CPEB2: variants seen among roughly 807,000 people sequenced by gnomAD.
CPEB2 encodes the protein cytoplasmic polyadenylation element binding protein 2, also known as cytoplasmic polyadenylation element-binding protein 2.
In CPEB2, 56 loss-of-function variants were observed where a neutral mutation model predicts 93.6. The ratio of observed to expected loss-of-function variants is 0.60; its 90% CI spans 0.48 to 0.75. The LOEUF is 0.75. Ranked by LOEUF, CPEB2 falls within the 30% of genes least tolerant of loss-of-function variation. The probability of loss-of-function intolerance (pLI) is 0.00; values close to 1 mark genes in which losing one functional copy is unlikely to be tolerated. For missense variants in CPEB2, 1,579 were observed against 1,395.1 expected (o/e 1.13, Z -2.10); for synonymous variants, 764 against 586.3 (o/e 1.30, Z -4.38).
At chr4:15,054,642 G>C (rs1198812486) in intron 8 of CPEB2, among the ~76,000 whole-genome samples, 1 of 151,962 alleles carries the variant, frequency 6.6e-6, no homozygotes, top group Non-Finnish European at 1.5e-5. Flanking sequence ...TGTAAAACTT[G>C]AGGAAGATGC....
At chr4:15,015,122 GA>G (rs1380893955) in intron 3 of CPEB2, among the ~76,000 whole-genome samples, 1 of 152,036 alleles carries the variant, frequency 6.6e-6, no homozygotes, top group Non-Finnish European at 1.5e-5. Flanking sequence ...CAGACCAGCA[GA>G]ATCAGTATCA....
intron 5 of CPEB2, among the ~76,000 whole-genome samples, chr4:15,035,932 C>G (rs973343916): frequency 1.8e-4 from 28 of 152,160 alleles, no homozygotes; most frequent in Non-Finnish European, 4.0e-4. Flanking sequence ...TTTAATAAAA[C>G]ATACTGTTAC....
In CPEB2 at chr4:15,066,233, C is replaced by A. The variant is rs747876493; in HGVS notation, c.2958C>A (p.Pro986=). The change falls in exon 12 of 12, where the codon CCC becomes CCA. Residue 986 remains proline, a synonymous_variant. Coordinates refer to ENST00000538197, the MANE Select transcript of CPEB2 (RefSeq NM_001177382.2). ...QGARCGGKFA[P]FFCANVTCLQ... The stretch of plus-strand genomic sequence containing the variant: ...CACGCTGTGGTGGAAAATTTGCTCC[C>A]TTTTTTTGTGCCAATGTCACTTGCC... The A allele has an allele frequency of 6.2e-7, 1 of 1,613,376 alleles. No individual in the cohort carries two copies. Among genetic ancestry groups the A allele is most frequent in the Admixed American group, 1.7e-5 (1 of 59,930 alleles).
chr4:15,036,211 T>C (rs1577420605), intron 5 of CPEB2, among the ~76,000 whole-genome samples: 1 of 152,178 alleles, frequency 6.6e-6, no homozygotes, highest in African/African-American at 2.4e-5. Context: ...CCTGTATATC[T>C]CATGAGGCTG....
chr4:15,064,409 A>G (rs1729489020), intron 11 of CPEB2, among the ~76,000 whole-genome samples: 4 of 152,202 alleles, frequency 2.6e-5, no homozygotes, highest in South Asian at 4.1e-4. Context: ...CATAAAACTA[A>G]TATCTAGAAT....
chr4:15,042,646 C>T (rs1361139188), intron 6 of CPEB2, among the ~76,000 whole-genome samples: 2 of 152,004 alleles, frequency 1.3e-5, no homozygotes, highest in Non-Finnish European at 2.9e-5. Context: ...GTGAGAGTCA[C>T]GTGAAAGGCA....
At chr4:15,046,010 G>C (rs990378647) in intron 6 of CPEB2, among the ~76,000 whole-genome samples, 1 of 152,146 alleles carries the variant, frequency 6.6e-6, no homozygotes, top group Non-Finnish European at 1.5e-5. Context: ...CCTATTGATA[G>C]ATGTTTGAGT....
At chr4:15,061,544 T>G (rs945095853) in intron 10 of CPEB2, among the ~76,000 whole-genome samples, 1 of 151,254 alleles carries the variant, frequency 6.6e-6, no homozygotes, top group Non-Finnish European at 1.5e-5. Context: ...GAAAAAGAGT[T>G]GAATAAAGAG....
intron 4 of CPEB2, 131 bp from the exon 5 acceptor site, chr4:15,033,030 A>G: frequency 3.4e-6 from 2 of 587,888 alleles, no homozygotes; most frequent in South Asian, 4.5e-5. Context: ...TAAGCTTTTT[A>G]GTTCTTAAGA....
chr4:15,041,236 G>A (rs1314497419), intron 6 of CPEB2, among the ~76,000 whole-genome samples: 1 of 152,034 alleles, frequency 6.6e-6, no homozygotes, highest in Non-Finnish European at 1.5e-5. Flanking sequence ...TGGGATGAGA[G>A]GAAGCAAAAG....
chr4:15,023,255 A>G (rs1724998002), intron 4 of CPEB2, among the ~76,000 whole-genome samples: 1 of 152,056 alleles, frequency 6.6e-6, no homozygotes, highest in South Asian at 2.1e-4. Flanking sequence ...ACTTGCAGTG[A>G]TAAAAGCAAG....
intron 4 of CPEB2, among the ~76,000 whole-genome samples, chr4:15,018,939 TATATA>T (rs1724495154): frequency 2.0e-4 from 3 of 14,846 alleles, no homozygotes; most frequent in South Asian, 2.1e-3. Flanking sequence ...GGGAATTTTA[TATATA>T]TATATATATA....
chr4:15,015,713 A>G (rs917794887), intron 3 of CPEB2, among the ~76,000 whole-genome samples: 1 of 152,014 alleles, frequency 6.6e-6, no homozygotes, highest in Non-Finnish European at 1.5e-5. Context: ...GAAATTATGT[A>G]CACACTAGTC....
intron 8 of CPEB2, 57 bp from the exon 9 acceptor site, chr4:15,058,364 A>G (rs1349999): frequency 0.49 from 470,984 of 955,168 alleles, 127,357 homozygotes; most frequent in Non-Finnish European, 0.57. Context: ...TAGTACTGAA[A>G]TTTGGAGTAA....
In CPEB2 at chr4:15,016,542, G is replaced by C. The variant is rs149463513; in HGVS notation, c.2035-646G>C. 5.1e-3 allele frequency among the ~76,000 whole-genome samples: 783 copies of C among 152,044 alleles called. 9 individuals are homozygous for C. Among genetic ancestry groups the C allele is most frequent in the African/African-American group, 0.018 (733 of 41,526 alleles). On this transcript the variant is annotated intron_variant, in intron 3 of 11. Coordinates refer to ENST00000538197, the MANE Select transcript of CPEB2 (RefSeq NM_001177382.2). ...TCTCCTCCACCTGCCTATTTTGCAGGGGAGTTGGGGGAGGCCGGCTTAAAA... is the reference window on the plus strand; with the variant it reads ...TCTCCTCCACCTGCCTATTTTGCAGCGGAGTTGGGGGAGGCCGGCTTAAAA...
Position 15,059,316 on chromosome 4 carries a change from A to G in CPEB2, c.2695+15A>G. 6.7e-7 allele frequency: 1 copy of G among 1,502,988 alleles called. No homozygotes were observed. Among genetic ancestry groups the G allele is most frequent in the Non-Finnish European group, 9.2e-7 (1 of 1,086,398 alleles). 93.1% of individuals were successfully genotyped at this position (1,502,988 alleles called of 1,614,324 possible). A position where few individuals can be genotyped will look rare whatever the true frequency, so the allele number is the denominator to read the frequency against. ...ATTAAGGGCTGGTAAGTAGAATGTT[A>G]ACAATTTTGTTTAAAAAAATCATTT... On this transcript the variant is annotated intron_variant, in intron 10 of 11. Coordinates refer to ENST00000538197, the MANE Select transcript of CPEB2 (RefSeq NM_001177382.2).
rs570105752 is a variant in CPEB2, at chr4:15,036,821, GA to G, written c.2176+3616del. On this transcript the variant is annotated intron_variant, in intron 5 of 11. Transcript: ENST00000538197. The stretch of plus-strand genomic sequence containing the variant: ...AAGAGCTTACTGTACTTTTTGAGAG[GA>G]AAAAAGTTATGAGTATCATTTAATT... Among the ~76,000 whole-genome samples the G allele has an allele frequency of 7.2e-5, 11 of 152,100 alleles. No homozygotes were observed. In the South Asian group the frequency reaches 1.7e-3, roughly 23 times the overall value.
At chr4:15,044,835 A>C (rs959267007) in intron 6 of CPEB2, among the ~76,000 whole-genome samples, 1 of 151,998 alleles carries the variant, frequency 6.6e-6, no homozygotes, top group African/African-American at 2.4e-5. Flanking sequence ...ACATACACCT[A>C]CACACACACG....
At chr4:15,013,524 G>A (rs1355516072) in intron 3 of CPEB2, among the ~76,000 whole-genome samples, 1 of 151,958 alleles carries the variant, frequency 6.6e-6, no homozygotes, top group African/African-American at 2.4e-5. Flanking sequence ...CAAACTGATG[G>A]CAGTTTGCAT....
Sources: gnomAD v4.1 joint callset for allele counts (sites outside exome capture counted in the v4.1 genomes callset) on GRCh38, gnomAD v4.1.1 for gene constraint, MANE v1.5 for transcripts, NCBI Gene and HGNC (gene_info 2026-07-23, HGNC 2026-07-21) for gene names.